Variants in CDC42BPA observed in about 807,000 individuals in gnomAD.
CDC42BPA encodes serine/threonine-protein kinase MRCK alpha.
In CDC42BPA, 80 loss-of-function variants were observed where a neutral mutation model predicts 223.5. That is an observed-to-expected ratio of 0.36 (90% CI 0.30 to 0.43). The LOEUF is 0.43. Ranked by LOEUF, CDC42BPA falls within the 20% of genes least tolerant of loss-of-function variation. The probability of loss-of-function intolerance (pLI) is 1.00; values close to 1 mark genes in which losing one functional copy is unlikely to be tolerated. For synonymous variants in CDC42BPA, 694 were observed against 718.6 expected (o/e 0.97, Z 0.55); for missense variants, 1,743 against 2,099.9 (o/e 0.83, Z 3.32).
intron 21 of CDC42BPA, among the ~76,000 whole-genome samples, chr1:227,063,643 A>G (rs1327631244): frequency 6.6e-6 from 1 of 152,168 alleles, no homozygotes; most frequent in Non-Finnish European, 1.5e-5. Context: ...GTTGTGGTGA[A>G]TATGTGGATA....
intron 20 of CDC42BPA, among the ~76,000 whole-genome samples, chr1:227,071,535 T>C (rs375265527): frequency 7.9e-5 from 12 of 151,792 alleles, no homozygotes; most frequent in African/African-American, 2.4e-4. Context: ...CAAGTAAAGT[T>C]TTCAAGAAAA....
intron 4 of CDC42BPA, among the ~76,000 whole-genome samples, chr1:227,196,481 A>C (rs1479613384): frequency 6.6e-6 from 1 of 151,402 alleles, no homozygotes; most frequent in African/African-American, 2.4e-5. Context: ...CTGGGACTAC[A>C]GGCGCCCACC....
At chr1:227,124,536 G>A (rs183586886) in intron 11 of CDC42BPA, among the ~76,000 whole-genome samples, 28 of 152,092 alleles carry the variant, frequency 1.8e-4, no homozygotes, top group African/African-American at 6.5e-4. Context: ...CAGGTCCTAA[G>A]GGGAGACTTC....
intron 34 of CDC42BPA, among the ~76,000 whole-genome samples, chr1:227,006,464 G>C (rs1477942477): frequency 6.6e-6 from 1 of 152,206 alleles, no homozygotes; most frequent in Admixed American, 6.5e-5. Context: ...TCCCTCAGCT[G>C]TATTATGAGG....
intron 1 of CDC42BPA, among the ~76,000 whole-genome samples, chr1:227,277,647 G>A (rs1158492030): frequency 3.9e-5 from 6 of 152,132 alleles, no homozygotes; most frequent in Admixed American, 2.6e-4. Flanking sequence ...AAATCATTAA[G>A]ATCCTCTCAA....
chr1:227,204,866 G>GTA (rs1320316552), intron 3 of CDC42BPA, among the ~76,000 whole-genome samples: 6 of 151,838 alleles, frequency 4.0e-5, no homozygotes, highest in Non-Finnish European at 8.8e-5. Context: ...AGTTTATCCA[G>GTA]TATATATAAA....
intron 3 of CDC42BPA, among the ~76,000 whole-genome samples, chr1:227,200,455 ACG>A (rs1476499516): frequency 4.0e-5 from 6 of 149,674 alleles, no homozygotes; most frequent in South Asian, 2.1e-4. Context: ...CAAAAAAAAA[ACG>A]AAAGAAAGAA....
intron 15 of CDC42BPA, among the ~76,000 whole-genome samples, chr1:227,096,093 T>C (rs1045168602): frequency 4.6e-5 from 7 of 152,156 alleles, no homozygotes; most frequent in Admixed American, 1.3e-4. Context: ...ATCTCCTACA[T>C]AACATTATTG....
In CDC42BPA at chr1:227,315,391, G is replaced by A. The variant is rs140515045; in HGVS notation, c.178+1614C>T. Among the ~76,000 whole-genome samples the A allele has an allele frequency of 3.4e-3, 524 of 151,982 alleles. 3 individuals carry two copies. The highest frequency in any genetic ancestry group is 0.012 in the African/African-American group (493 of 41,474). Reference sequence around the variant, plus strand: ...CTCTAATAATCAGAAGGCAATGGAGGATACAGTTTTCTCTTTATCATAAAT... The same window carrying A: ...CTCTAATAATCAGAAGGCAATGGAGAATACAGTTTTCTCTTTATCATAAAT... On this transcript the variant is annotated intron_variant, in intron 1 of 36. Coordinates refer to ENST00000366766, the MANE Select transcript of CDC42BPA (RefSeq NM_001394014.1).
At chr1:227,236,284 G>A (rs1679003769) in intron 2 of CDC42BPA, among the ~76,000 whole-genome samples, 1 of 152,098 alleles carries the variant, frequency 6.6e-6, no homozygotes, top group Non-Finnish European at 1.5e-5. Flanking sequence ...AGCTTTTGCT[G>A]TTTTTAAAAA....
chr1:227,083,086 A>T (rs1178359035), intron 16 of CDC42BPA, among the ~76,000 whole-genome samples: 1 of 152,080 alleles, frequency 6.6e-6, no homozygotes, highest in African/African-American at 2.4e-5. Flanking sequence ...TTGTGGCTAA[A>T]TGTTTCTCAT....
intron 31 of CDC42BPA, 128 bp downstream of exon 31, chr1:227,025,927 C>G: frequency 1.7e-6 from 1 of 593,328 alleles, no homozygotes. Context: ...TCACTCTTAG[C>G]TAAGTCCCAA....
At chr1:227,180,065 G>A (rs1667681197) in intron 5 of CDC42BPA, among the ~76,000 whole-genome samples, 1 of 152,068 alleles carries the variant, frequency 6.6e-6, no homozygotes, top group South Asian at 2.1e-4. Flanking sequence ...ACTTAGCCGG[G>A]CATGGTGGCA....
At position 227,163,408 on chromosome 1, in the gene CDC42BPA, T is replaced by C. The variant is rs539747559; in HGVS notation, c.600-2772A>G. ...TAATAAATGTCTTCTAGTACTCATA[T>C]ATGAATGCTTCTCCAGACTATAGAT... On this transcript the variant is annotated intron_variant, in intron 5 of 36. Coordinates refer to ENST00000366766, the MANE Select transcript of CDC42BPA (RefSeq NM_001394014.1). Among the ~76,000 whole-genome samples, 21 of 152,294 alleles carry C rather than the reference T, an allele frequency of 1.4e-4. 1 individual carries two copies. The East Asian group carries it at 4.0e-3, about 29-fold the overall frequency.
At position 227,289,809 on chromosome 1, in the gene CDC42BPA, A is replaced by G. The variant is rs568248040; in HGVS notation, c.178+27196T>C. Among the ~76,000 whole-genome samples the G allele has an allele frequency of 1.5e-3, 223 of 149,572 alleles. 3 individuals carry two copies. The highest frequency in any genetic ancestry group is 0.011 in the Middle Eastern group (3 of 280). On this transcript the variant is annotated intron_variant, in intron 1 of 36. Coordinates refer to ENST00000366766, the MANE Select transcript of CDC42BPA (RefSeq NM_001394014.1). ...GTCTTCTTGCTTTAAAAAGAAATACATGGGATGCCAAAGTGGGAAGACTAC... is the reference window on the plus strand; with the variant it reads ...GTCTTCTTGCTTTAAAAAGAAATACGTGGGATGCCAAAGTGGGAAGACTAC...
Position 227,129,272 on chromosome 1 carries a change from C to G in CDC42BPA, c.1391-41G>C, listed in dbSNP as rs778861891. 76 of 1,389,650 alleles carry G rather than the reference C, an allele frequency of 5.5e-5. No homozygotes were observed. In the South Asian group the frequency reaches 9.6e-4, roughly 18 times the overall value. 86.1% of individuals were successfully genotyped at this position (1,389,650 alleles called of 1,614,324 possible). ...TAAAAGAAATAAAAATATCACCATA[C>G]TCTAAATTCTTAAAACTAATAACAT... On this transcript the variant is annotated intron_variant, in intron 10 of 36. Coordinates refer to ENST00000366766, the MANE Select transcript of CDC42BPA (RefSeq NM_001394014.1).
intron 16 of CDC42BPA, among the ~76,000 whole-genome samples, chr1:227,081,721 T>C (rs1680708261): frequency 6.6e-6 from 1 of 152,116 alleles, no homozygotes; most frequent in African/African-American, 2.4e-5. Flanking sequence ...CCCAAAGTGC[T>C]AGGATTACAG....
intron 5 of CDC42BPA, among the ~76,000 whole-genome samples, chr1:227,186,269 C>T (rs541232800): frequency 1.3e-5 from 2 of 152,256 alleles, no homozygotes; most frequent in South Asian, 4.2e-4. Context: ...AGAAACATAC[C>T]CTCATGCTTC....
At chr1:227,135,298 C>T (rs1022798922) in intron 10 of CDC42BPA, among the ~76,000 whole-genome samples, 1 of 152,120 alleles carries the variant, frequency 6.6e-6, no homozygotes, top group African/African-American at 2.4e-5. Flanking sequence ...AGTTAGGGAG[C>T]TTTGAAAAGT....
Sources: allele counts gnomAD v4.1 joint callset (sites outside exome capture counted in the v4.1 genomes callset), GRCh38; gene constraint gnomAD v4.1.1; transcripts MANE v1.5; gene names NCBI Gene and HGNC (gene_info 2026-07-23, HGNC 2026-07-21).